CDIN1: variants seen among roughly 807,000 people sequenced by gnomAD.
CDIN1 encodes CDAN1 interacting nuclease 1.
In CDIN1, 33 loss-of-function variants were observed where a neutral mutation model predicts 45.3. That is an observed-to-expected ratio of 0.73 (90% confidence interval 0.55 to 0.97). The LOEUF is 0.97. Among genes scored for constraint, CDIN1 ranks in the 50% least tolerant of loss-of-function variants. CDIN1 has a pLI of 0.00. For synonymous variants in CDIN1, 118 were observed against 124.4 expected (o/e 0.95, Z 0.34); for missense variants, 303 against 339.4 (o/e 0.89, Z 0.84).
chr15:36,668,911 A>T (rs765532914), intron 5 of CDIN1: 2 of 152,128 alleles, frequency 1.3e-5, no homozygotes, highest in East Asian at 3.9e-4. Flanking sequence ...TACTTGGCAC[A>T]TAGTAGGCAC....
rs371958876 is a variant in CDIN1 at position 36,595,094 on chromosome 15, AT to A, written c.101+15140del. Among the ~76,000 whole-genome samples the A allele has an allele frequency of 2.4e-3, 363 of 151,952 alleles. 3 individuals carry two copies. The highest frequency in any genetic ancestry group is 8.1e-3 in the African/African-American group (338 of 41,494). ...TGAAAATAAATGTTCTTTTAAGAAG[AT>A]TTTTTTCTTTGACAAGTTGAACTTT... On this transcript the variant is annotated intron_variant, in intron 1 of 10. Transcript: ENST00000566621.
intron 10 of CDIN1, among the ~76,000 whole-genome samples, chr15:36,729,031 A>G (rs1452447066): frequency 6.6e-6 from 1 of 152,224 alleles, no homozygotes; most frequent in Non-Finnish European, 1.5e-5. Flanking sequence ...AAAATCAGCA[A>G]CACAATGGCC....
intron 10 of CDIN1, among the ~76,000 whole-genome samples, chr15:36,739,692 T>C (rs1051052415): frequency 6.6e-6 from 1 of 152,216 alleles, no homozygotes; most frequent in Non-Finnish European, 1.5e-5. Flanking sequence ...ATGCAAATAT[T>C]CCAAATGTTA....
intron 1 of CDIN1, among the ~76,000 whole-genome samples, chr15:36,581,636 G>A (rs1057314030): frequency 2.6e-5 from 4 of 151,950 alleles, no homozygotes; most frequent in Non-Finnish European, 5.9e-5. Flanking sequence ...CCAGCGCTTT[G>A]GGAGGCCGAG....
intron 1 of CDIN1, among the ~76,000 whole-genome samples, chr15:36,609,524 G>T (rs911334569): frequency 1.3e-5 from 2 of 152,178 alleles, no homozygotes; most frequent in Non-Finnish European, 1.5e-5. Flanking sequence ...CACTTTAAAG[G>T]GGGGACCGAG....
chr15:36,781,121 A>T (rs1423256320), intron 10 of CDIN1, among the ~76,000 whole-genome samples: 1 of 152,240 alleles, frequency 6.6e-6, no homozygotes, highest in Non-Finnish European at 1.5e-5. Flanking sequence ...TGTGGAATTT[A>T]GCACCATAGA....
chr15:36,622,165 A>G (rs1035904828), intron 1 of CDIN1, among the ~76,000 whole-genome samples: 4 of 152,196 alleles, frequency 2.6e-5, no homozygotes, highest in Non-Finnish European at 1.5e-5. Context: ...CATTGTGCTT[A>G]TGCTTAAAAC....
chr15:36,641,013 C>T (rs1197389782), intron 1 of CDIN1, among the ~76,000 whole-genome samples: 2 of 152,138 alleles, frequency 1.3e-5, no homozygotes, highest in African/African-American at 2.4e-5. Flanking sequence ...GAGTCAGGCA[C>T]AGACAGAGGA....
intron 1 of CDIN1, chr15:36,641,335 A>G (rs1022302306): frequency 2.6e-5 from 4 of 152,302 alleles, no homozygotes; most frequent in East Asian, 1.9e-4. Context: ...AGCTCTTTCC[A>G]TCTTCCGTCT....
intron 7 of CDIN1, among the ~76,000 whole-genome samples, chr15:36,695,068 G>A (rs2042375854): frequency 6.6e-6 from 1 of 152,154 alleles, no homozygotes; most frequent in Non-Finnish European, 1.5e-5. Context: ...GGAAGGCAAG[G>A]GACAACTGGA....
At chr15:36,807,453 G>A (rs1279736350) in intron 10 of CDIN1, among the ~76,000 whole-genome samples, 1 of 152,102 alleles carries the variant, frequency 6.6e-6, no homozygotes, top group African/African-American at 2.4e-5. Context: ...AAACTGATGT[G>A]CAAAACATCT....
chr15:36,657,906 G>A lies in CDIN1; in HGVS notation c.346+1G>A, dbSNP rs1469031103. ...CTACAGGAACACGAGGAAACTCCAC[G>A]TGAGTTACCCTTTTTTCCTAATGGT... On this transcript the variant is annotated splice_donor_variant, in intron 5 of 10. Coordinates refer to ENST00000566621, the MANE Select transcript of CDIN1 (RefSeq NM_001321759.2). LOFTEE classifies it high-confidence loss of function. 9 of 1,608,422 alleles carry A rather than the reference G, an allele frequency of 5.6e-6. No individual in the cohort carries two copies. The highest frequency in any genetic ancestry group is 2.2e-5 in the South Asian group (2 of 90,040).
chr15:36,596,777 A>T (rs1566820129), intron 1 of CDIN1, among the ~76,000 whole-genome samples: 1 of 151,840 alleles, frequency 6.6e-6, no homozygotes, highest in South Asian at 2.1e-4. Context: ...ACCCCTCTTT[A>T]AAAAAAACAA....
At position 36,579,979 on chromosome 15, in the gene CDIN1, C is replaced by T. The variant is rs2036966582; in HGVS notation, c.101+18C>T. 6.2e-7 allele frequency: 1 copy of T among 1,604,450 alleles called. No homozygotes were observed. Among genetic ancestry groups the T allele is most frequent in the Non-Finnish European group, 8.5e-7 (1 of 1,174,342 alleles). Reference sequence around the variant, plus strand: ...TTTCCCAGGTAAGTGTCCATCTCTCCCCTCTCACAGCCCTTTGCCTGCAGC... The same window carrying T: ...TTTCCCAGGTAAGTGTCCATCTCTCTCCTCTCACAGCCCTTTGCCTGCAGC... On this transcript the variant is annotated intron_variant, in intron 1 of 10. Coordinates refer to ENST00000566621, the MANE Select transcript of CDIN1 (RefSeq NM_001321759.2).
chr15:36,614,133 C>G (rs1162357552), intron 1 of CDIN1: 12 of 742,614 alleles, frequency 1.6e-5, no homozygotes, highest in Non-Finnish European at 3.0e-5. Context: ...AACTGAAATG[C>G]ACCAAAGAGG....
At chr15:36,588,656 T>C (rs2037420256) in intron 1 of CDIN1, among the ~76,000 whole-genome samples, 1 of 152,168 alleles carries the variant, frequency 6.6e-6, no homozygotes, top group South Asian at 2.1e-4. Context: ...GTGTTTTCTT[T>C]AGTGATCTTT....
At chr15:36,629,722 A>G (rs1321179129) in intron 1 of CDIN1, among the ~76,000 whole-genome samples, 3 of 152,174 alleles carry the variant, frequency 2.0e-5, no homozygotes, top group Admixed American at 2.0e-4. Flanking sequence ...CCATGATTAA[A>G]ATCTTGAAAG....
intron 10 of CDIN1, among the ~76,000 whole-genome samples, chr15:36,775,377 CTA>C (rs1320120889): frequency 2.0e-5 from 3 of 152,190 alleles, no homozygotes; most frequent in African/African-American, 7.2e-5. Flanking sequence ...CTGATTTGAA[CTA>C]TGAGTTCCCC....
At chr15:36,666,042 G>A (rs1424556818) in intron 5 of CDIN1, among the ~76,000 whole-genome samples, 1 of 152,046 alleles carries the variant, frequency 6.6e-6, no homozygotes, top group African/African-American at 2.4e-5. Context: ...TAACTTAATA[G>A]AGGTACTTTT....
Sources: allele counts gnomAD v4.1 joint callset (sites outside exome capture counted in the v4.1 genomes callset), GRCh38; gene constraint gnomAD v4.1.1; transcripts MANE v1.5; gene names NCBI Gene and HGNC (gene_info 2026-07-23, HGNC 2026-07-21).